Variants in GALNT2 observed in about 807,000 individuals in gnomAD.
GALNT2 encodes the protein UDP-GalNAc:polypeptide N-acetylgalactosaminyltransferase 2.
GALNT2 carries 31 observed loss-of-function variants against 81.4 expected under a neutral mutation model. The ratio of observed to expected loss-of-function variants is 0.38; its 90% confidence interval spans 0.29 to 0.51. GALNT2 has a LOEUF of 0.51. GALNT2 is among the 20% of genes least tolerant of loss of function. The pLI, the probability that GALNT2 is intolerant of heterozygous loss-of-function variation, is 0.87. For synonymous variants in GALNT2, 303 were observed against 287.4 expected (o/e 1.05, Z -0.55); for missense variants, 629 against 765.7 (o/e 0.82, Z 2.11).
chr1:230,181,195 A>C (rs1663148566), intron 2 of GALNT2, among the ~76,000 whole-genome samples: 1 of 151,998 alleles, frequency 6.6e-6, no homozygotes, highest in African/African-American at 2.4e-5. Flanking sequence ...GAAAGTTTCC[A>C]GTTTTTCACC....
rs1187954966 is a variant in GALNT2, at chr1:230,193,534, T to C, written c.221-9603T>C. Among the ~76,000 whole-genome samples the C allele has an allele frequency of 6.6e-6, 1 of 152,144 alleles. No homozygotes were observed. The highest frequency in any genetic ancestry group is 2.4e-5 in the African/African-American group (1 of 41,438). On this transcript the variant is annotated intron_variant, in intron 2 of 15. Coordinates refer to ENST00000366672, the MANE Select transcript of GALNT2 (RefSeq NM_004481.5). The surrounding 1 kb of genome is among the most constrained non-coding windows in gnomAD (Gnocchi z 4.3). ...GCGCCTCTGTGTGCTGGGGTCTTCA[T>C]GTGCTTTGTGATGTTAATTCTTTGA...
intron 1 of GALNT2, among the ~76,000 whole-genome samples, chr1:230,090,844 A>AGAAT (rs1460777703): frequency 6.6e-6 from 1 of 152,188 alleles, no homozygotes; most frequent in African/African-American, 2.4e-5. Context: ...TTTGAGAGAG[A>AGAAT]GAATGATCAT....
intron 7 of GALNT2, among the ~76,000 whole-genome samples, chr1:230,245,464 C>CAAAAAAA (rs1273078855): frequency 7.3e-6 from 1 of 137,662 alleles, no homozygotes; most frequent in Non-Finnish European, 1.6e-5. Flanking sequence ...AACTCCGTCT[C>CAAAAAAA]AAAAAAAAAA....
chr1:230,266,750 TG>T (rs1206095185), intron 14 of GALNT2, among the ~76,000 whole-genome samples: 1 of 152,192 alleles, frequency 6.6e-6, no homozygotes, highest in African/African-American at 2.4e-5. Flanking sequence ...GGCCTGGCCC[TG>T]GTTCCCCTAA....
At chr1:230,246,284 C>A in intron 8 of GALNT2, 134 bp downstream of exon 8, 1 of 702,922 alleles carries the variant, frequency 1.4e-6, no homozygotes, top group Non-Finnish European at 2.5e-6. Flanking sequence ...GTAAAAACCA[C>A]CTGTGTGCTT....
intron 3 of GALNT2, among the ~76,000 whole-genome samples, chr1:230,219,275 T>G (rs1664476749): frequency 6.6e-6 from 1 of 152,236 alleles, no homozygotes; most frequent in Non-Finnish European, 1.5e-5. Context: ...GTACTTGTTC[T>G]TGATATTCAC....
chr1:230,166,548 A>T (rs1662609984), intron 1 of GALNT2, among the ~76,000 whole-genome samples: 1 of 152,136 alleles, frequency 6.6e-6, no homozygotes, highest in Non-Finnish European at 1.5e-5. Context: ...TGCCATGGAG[A>T]GATGGCAGCA....
At position 230,136,724 on chromosome 1, in the gene GALNT2, C is replaced by T. The variant is rs141466988; in HGVS notation, c.127-41494C>T. On this transcript the variant is annotated intron_variant, in intron 1 of 15. Transcript: ENST00000366672. ...TGCTATTATTAGAATTTTCCAAACA[C>T]CGCTTGTTTGTAGCTTCACAGGGAC... Among the ~76,000 whole-genome samples the T allele has an allele frequency of 5.0e-3, 768 of 152,344 alleles. 7 individuals carry two copies. The highest frequency in any genetic ancestry group is 0.02 in the Middle Eastern group (6 of 294).
intron 2 of GALNT2, among the ~76,000 whole-genome samples, chr1:230,178,559 A>G (rs561247309): frequency 3.9e-5 from 6 of 152,328 alleles, no homozygotes; most frequent in South Asian, 4.1e-4. Flanking sequence ...TAGAAAGTAT[A>G]TATTAGTATA....
intron 1 of GALNT2, among the ~76,000 whole-genome samples, chr1:230,166,681 A>G (rs1222125633): frequency 1.3e-5 from 2 of 152,178 alleles, no homozygotes. Flanking sequence ...CAGCTTGGGA[A>G]AGCCTCTCCT....
At chr1:230,154,412 C>T (rs1015789776) in intron 1 of GALNT2, among the ~76,000 whole-genome samples, 2 of 152,162 alleles carry the variant, frequency 1.3e-5, no homozygotes, top group Non-Finnish European at 2.9e-5. Context: ...ATGTGCCAAA[C>T]CGGCACAGGT....
At chr1:230,210,254 A>G (rs549868210) in intron 3 of GALNT2, among the ~76,000 whole-genome samples, 1 of 152,360 alleles carries the variant, frequency 6.6e-6, no homozygotes, top group East Asian at 1.9e-4. Context: ...GTTTACATTG[A>G]AATTATTTAC....
At position 230,275,698 on chromosome 1, in the gene GALNT2, T is replaced by TATATACAC. The variant is rs1553276461; in HGVS notation, c.1560+1139_1560+1140insCACATATA. Among the ~76,000 whole-genome samples the TATATACAC allele has an allele frequency of 6.7e-6, 1 of 148,912 alleles. No individual in the cohort carries two copies. Among genetic ancestry groups the TATATACAC allele is most frequent in the African/African-American group, 2.5e-5 (1 of 40,396 alleles). ...CATGTATACATATGTAAACACCACA[T>TATATACAC]ATATATACACACCACATATACACAC... On this transcript the variant is annotated intron_variant, in intron 15 of 15. Coordinates refer to ENST00000366672, the MANE Select transcript of GALNT2 (RefSeq NM_004481.5). The surrounding 1 kb of genome is among the most constrained non-coding windows in gnomAD (Gnocchi z 5.5).
chr1:230,270,964 T>C (rs1436033612), intron 14 of GALNT2, among the ~76,000 whole-genome samples: 1 of 152,234 alleles, frequency 6.6e-6, no homozygotes, highest in Non-Finnish European at 1.5e-5. Context: ...TGCTTTACAG[T>C]AATTAAGCAC....
chr1:230,094,464 C>T lies in GALNT2; in HGVS notation c.126+27058C>T, dbSNP rs574314610. Among the ~76,000 whole-genome samples, 314 of 152,098 alleles carry T rather than the reference C, an allele frequency of 2.1e-3. 1 individual carries two copies. The Middle Eastern group carries it at 0.024, about 12-fold the overall frequency. On this transcript the variant is annotated intron_variant, in intron 1 of 15. Coordinates refer to ENST00000366672, the MANE Select transcript of GALNT2 (RefSeq NM_004481.5). Reference sequence around the variant, plus strand: ...AGCCTGGCCAACATAGTGAAACCCCCCTCTCTACTAAAAATACAAAAAAAT... The same window carrying T: ...AGCCTGGCCAACATAGTGAAACCCCTCTCTCTACTAAAAATACAAAAAAAT...
At chr1:230,066,991 C>T (rs994820491), upstream of GALNT2, among the ~76,000 whole-genome samples, 9 of 149,060 alleles carry the variant, frequency 6.0e-5, no homozygotes, top group African/African-American at 2.2e-4. Context: ...CCGCGGCCCG[C>T]GCCCCGGCCC....
chr1:230,192,357 G>A (rs1663555685), intron 2 of GALNT2, among the ~76,000 whole-genome samples: 1 of 152,252 alleles, frequency 6.6e-6, no homozygotes, highest in South Asian at 2.1e-4. Context: ...ATGGTATGGT[G>A]TGGACAAGGT....
At chr1:230,234,295 A>G (rs956007603) in intron 3 of GALNT2, among the ~76,000 whole-genome samples, 13 of 152,084 alleles carry the variant, frequency 8.5e-5, no homozygotes, top group African/African-American at 3.1e-4. Flanking sequence ...TGGGGAGGAG[A>G]AGGTCAGAGA....
At position 230,192,005 on chromosome 1, in the gene GALNT2, A is replaced by G. The variant is rs560969018; in HGVS notation, c.221-11132A>G. On this transcript the variant is annotated intron_variant, in intron 2 of 15. Coordinates refer to ENST00000366672, the MANE Select transcript of GALNT2 (RefSeq NM_004481.5). ...GTCCACAGTTCCTTCTGAGTCCAAC[A>G]ACAGGTGATGCCAGTGTTTCAGAGA... Among the ~76,000 whole-genome samples, 4 of 152,336 alleles carry G rather than the reference A, an allele frequency of 2.6e-5. No individual in the cohort carries two copies. In the South Asian group the frequency reaches 6.2e-4, roughly 24 times the overall value.
Sources: gnomAD v4.1 joint callset for allele counts (sites outside exome capture counted in the v4.1 genomes callset) on GRCh38, gnomAD v4.1.1 for gene constraint, Gnocchi (gnomAD v3.1) non-coding constraint, MANE v1.5 for transcripts, NCBI Gene and HGNC (gene_info 2026-07-23, HGNC 2026-07-21) for gene names.